ZFHX3: variants seen among roughly 807,000 people sequenced by gnomAD.
ZFHX3 encodes zinc finger homeobox protein 3.
ZFHX3 carries 42 observed loss-of-function variants against 279.1 expected under a neutral mutation model. That is an observed-to-expected ratio of 0.15 (90% confidence interval 0.12 to 0.19). The LOEUF is 0.19. Among genes scored for constraint, ZFHX3 ranks in the 10% least tolerant of loss-of-function variants. ZFHX3 has a pLI of 1.00. For synonymous variants in ZFHX3, 2,293 were observed against 1,957.8 expected, an observed-to-expected ratio of 1.17 and a Z score of -4.52; for missense variants, 4,981 against 4,754.0, an observed-to-expected ratio of 1.05 and a Z score of -1.40.
At chr16:73,096,345 A>C (rs1883673848) in intron 7 of ZFHX3, among the ~76,000 whole-genome samples, 1 of 151,396 alleles carries the variant, frequency 6.6e-6, no homozygotes, top group South Asian at 2.1e-4. Flanking sequence ...GCAGCCCTGC[A>C]CATTTCCTAA....
chr16:73,002,168 C>T (rs967346772), intron 1 of ZFHX3, among the ~76,000 whole-genome samples: 1 of 152,166 alleles, frequency 6.6e-6, no homozygotes, highest in Non-Finnish European at 1.5e-5. Flanking sequence ...GGACATGGAA[C>T]TCAAACCCCC....
At chr16:73,676,072 A>C (rs2052951236) in intron 2 of ZFHX3, among the ~76,000 whole-genome samples, 2 of 152,080 alleles carry the variant, frequency 1.3e-5, no homozygotes, top group South Asian at 4.1e-4. Context: ...ATTTAAAAAT[A>C]ACTAAGAACT....
At chr16:73,725,540 A>AGTGTGT (rs35247672) in intron 1 of ZFHX3, among the ~76,000 whole-genome samples, 1 of 148,254 alleles carries the variant, frequency 6.7e-6, no homozygotes, top group African/African-American at 2.5e-5. Context: ...AGTGTGAGTG[A>AGTGTGT]GTGTGTGTGT....
chr16:73,293,237 C>A (rs1401735598), intron 4 of ZFHX3, among the ~76,000 whole-genome samples: 1 of 152,098 alleles, frequency 6.6e-6, no homozygotes, highest in East Asian at 1.9e-4. Flanking sequence ...CTGGGCAATA[C>A]CAGAGTCACA....
intron 2 of ZFHX3, among the ~76,000 whole-genome samples, chr16:73,587,855 T>C (rs1335542005): frequency 6.6e-6 from 1 of 152,196 alleles, no homozygotes; most frequent in Non-Finnish European, 1.5e-5. Context: ...TTCAAAAAAA[T>C]GCAGAATTTT....
intron 2 of ZFHX3, among the ~76,000 whole-genome samples, chr16:73,463,545 C>A (rs1021000644): frequency 2.6e-5 from 4 of 152,188 alleles, no homozygotes; most frequent in African/African-American, 9.7e-5. Context: ...TCCCTTTATA[C>A]CCTCCTGCCG....
chr16:73,353,332 G>C (rs1352654749), intron 3 of ZFHX3, among the ~76,000 whole-genome samples: 1 of 152,192 alleles, frequency 6.6e-6, no homozygotes, highest in Admixed American at 6.5e-5. Flanking sequence ...GAAAACCAAA[G>C]CAAGGACTGC....
chr16:73,129,511 T>C (rs901975969), intron 7 of ZFHX3, among the ~76,000 whole-genome samples: 10 of 151,790 alleles, frequency 6.6e-5, no homozygotes, highest in African/African-American at 2.4e-4. Flanking sequence ...GTACCTTAAT[T>C]AGGAGATCGT....
chr16:73,233,888 C>G (rs753999891), intron 5 of ZFHX3: 1 of 152,104 alleles, frequency 6.6e-6, no homozygotes, highest in Non-Finnish European at 1.5e-5. Flanking sequence ...ATTTAGGACT[C>G]CCCAGTACAT....
At chr16:73,565,934 C>G (rs1380512159) in intron 2 of ZFHX3, among the ~76,000 whole-genome samples, 1 of 151,616 alleles carries the variant, frequency 6.6e-6, no homozygotes, top group Non-Finnish European at 1.5e-5. Context: ...AAAAGTAACA[C>G]ATAAAAATTT....
intron 2 of ZFHX3, among the ~76,000 whole-genome samples, chr16:73,484,068 G>A (rs1339286299): frequency 1.3e-5 from 2 of 151,898 alleles, no homozygotes; most frequent in Admixed American, 6.6e-5. Flanking sequence ...AGGAGGGTCC[G>A]GGGGGAAGAG....
rs918241159 is a variant in ZFHX3, at chr16:73,016,856, C to T, written c.-50+30896G>A. Among the ~76,000 whole-genome samples the T allele has an allele frequency of 2.0e-5, 3 of 151,956 alleles. No homozygotes were observed. The East Asian group carries it at 5.8e-4, about 29-fold the overall frequency. ...CATTACAGCTGAAGCCCACTGGGAC[C>T]CTACCCAAGTTCACGTGTATATCCC... On this transcript the variant is annotated intron_variant, in intron 1 of 9. Coordinates refer to ENST00000268489, the MANE Select transcript of ZFHX3 (RefSeq NM_006885.4).
At chr16:73,065,381 C>A (rs1329203940) in intron 8 of ZFHX3, among the ~76,000 whole-genome samples, 1 of 152,108 alleles carries the variant, frequency 6.6e-6, no homozygotes, top group Non-Finnish European at 1.5e-5. Context: ...TTACCCACCA[C>A]CCCCATCCCT....
intron 5 of ZFHX3, among the ~76,000 whole-genome samples, chr16:73,193,860 A>G (rs1968091796): frequency 6.6e-6 from 1 of 152,210 alleles, no homozygotes; most frequent in South Asian, 2.1e-4. Flanking sequence ...TTGTGTAAGT[A>G]TGCACCACAT....
At chr16:73,544,378 C>G (rs1460336543) in intron 2 of ZFHX3, among the ~76,000 whole-genome samples, 2 of 152,116 alleles carry the variant, frequency 1.3e-5, no homozygotes, top group Non-Finnish European at 2.9e-5. Context: ...CTTCATTAGT[C>G]ACGTTTAAAA....
At chr16:73,635,400 C>T (rs1002120566) in intron 2 of ZFHX3, among the ~76,000 whole-genome samples, 2 of 152,156 alleles carry the variant, frequency 1.3e-5, no homozygotes, top group African/African-American at 4.8e-5. Context: ...CTCAAGTTCT[C>T]AGCCCAAGAA....
At chr16:73,742,581 G>A (rs1252783870) in intron 1 of ZFHX3, among the ~76,000 whole-genome samples, 1 of 152,136 alleles carries the variant, frequency 6.6e-6, no homozygotes, top group Non-Finnish European at 1.5e-5. Flanking sequence ...GAGGGGTGAG[G>A]GTAGATATGG....
chr16:73,459,533 T>A (rs1204333559), intron 2 of ZFHX3, among the ~76,000 whole-genome samples: 1 of 152,128 alleles, frequency 6.6e-6, no homozygotes, highest in Non-Finnish European at 1.5e-5. Context: ...AGCTCATTTT[T>A]GTAAATTTTT....
chr16:73,333,154 T>C (rs975362938), intron 3 of ZFHX3, among the ~76,000 whole-genome samples: 3 of 152,296 alleles, frequency 2.0e-5, no homozygotes, highest in African/African-American at 4.8e-5. Flanking sequence ...CATACATGGA[T>C]ACATAGACAC....
Sources: allele counts gnomAD v4.1 joint callset (sites outside exome capture counted in the v4.1 genomes callset), GRCh38; gene constraint gnomAD v4.1.1; transcripts MANE v1.5; gene names NCBI Gene and HGNC (gene_info 2026-07-23, HGNC 2026-07-21).